The following CYSLTR1 variants were observed in gnomAD, a reference collection of about 807,000 sequenced individuals.
CYSLTR1 encodes G-protein coupled receptor HG55.
CYSLTR1 carries 1 observed loss-of-function variant against 2.1 expected under a neutral mutation model. That is an observed-to-expected ratio of 0.48 (90% CI 0.17 to 2.28). The LOEUF (loss-of-function observed/expected upper bound fraction) is 2.28, where lower values mean the gene tolerates loss of function less well. CYSLTR1 is among the 30% of genes most tolerant of loss of function. CYSLTR1 has a pLI of 0.26. For missense variants in CYSLTR1, 299 were observed against 250.1 expected (o/e 1.20, Z -1.32); for synonymous variants, 110 against 89.6 (o/e 1.23, Z -1.28).
At chrX:78,291,522 G>A (rs936310442) in intron 1 of CYSLTR1, among the ~76,000 whole-genome samples, 5 of 111,377 alleles carry the variant, frequency 4.5e-5, no homozygotes, top group African/African-American at 1.6e-4. Flanking sequence ...GATTGGAATA[G>A]TTTCAGAAGG....
rs61463264 is a variant in CYSLTR1, at chrX:78,284,759, TA to T, written c.-114-1220del. 3.9e-3 allele frequency among the ~76,000 whole-genome samples: 285 copies of T among 73,093 alleles called. 5 individuals carry two copies. Among genetic ancestry groups the T allele is most frequent in the African/African-American group, 0.013 (238 of 18,730 alleles). The allele number at this position is 73,093 out of a possible 115,157, so 63.5% of individuals were successfully genotyped here. ...CTGGAACTTTCTAAAAGAACTCTAC[TA>T]AAAAAAAAAAAAAAAGAAAAAAGGA... On this transcript the variant is annotated intron_variant, in intron 1 of 2. Coordinates refer to ENST00000373304, the MANE Select transcript of CYSLTR1 (RefSeq NM_006639.4).
intron 1 of CYSLTR1, among the ~76,000 whole-genome samples, chrX:78,314,940 C>T (rs1044455771): frequency 1.9e-5 from 2 of 107,805 alleles, no homozygotes; most frequent in African/African-American, 3.4e-5. Context: ...CCAACCAGGC[C>T]AAGAGAGCGC....
At chrX:78,274,277 A>G (rs1921466535) in intron 2 of CYSLTR1, among the ~76,000 whole-genome samples, 1 of 111,465 alleles carries the variant, frequency 9.0e-6, no homozygotes, top group Admixed American at 9.6e-5. Flanking sequence ...AGCCAAAAGA[A>G]CAAAGCTGGA....
intron 1 of CYSLTR1, among the ~76,000 whole-genome samples, chrX:78,305,982 A>G (rs988936029): frequency 8.9e-6 from 1 of 112,860 alleles, no homozygotes. Context: ...TGGTACATAT[A>G]CACAGTGGAA....
chrX:78,310,865 T>G (rs1923191003), intron 1 of CYSLTR1, among the ~76,000 whole-genome samples: 1 of 110,551 alleles, frequency 9.0e-6, no homozygotes, highest in Admixed American at 9.7e-5. Flanking sequence ...TGCATGTGCG[T>G]GTATGTGTGT....
chrX:78,316,438 A>G lies in CYSLTR1; in HGVS notation c.-115+10867T>C, dbSNP rs760745687. 1.3e-4 allele frequency among the ~76,000 whole-genome samples: 15 copies of G among 112,374 alleles called. No homozygotes were observed. In the East Asian group the frequency reaches 2.2e-3, roughly 17 times the overall value. ...GCAGATAGGAAGGGGTGAGACCTGA[A>G]AGCCAAGTTTGCTTGCTCAGCGGGG... On this transcript the variant is annotated intron_variant, in intron 1 of 2. Coordinates refer to ENST00000373304, the MANE Select transcript of CYSLTR1 (RefSeq NM_006639.4).
chrX:78,310,866 G>A (rs1355130148), intron 1 of CYSLTR1, among the ~76,000 whole-genome samples: 1 of 110,787 alleles, frequency 9.0e-6, no homozygotes, highest in Non-Finnish European at 1.9e-5. Flanking sequence ...GCATGTGCGT[G>A]TATGTGTGTT....
chrX:78,311,979 A>G (rs1923234551), intron 1 of CYSLTR1, among the ~76,000 whole-genome samples: 2 of 111,983 alleles, frequency 1.8e-5, no homozygotes, highest in Admixed American at 9.5e-5. Context: ...AGAAAAATGA[A>G]TTCTAAAAAT....
Position 78,279,648 on chromosome X carries a change from T to C in CYSLTR1, c.-28+3806A>G, listed in dbSNP as rs778234912. Among the ~76,000 whole-genome samples the C allele has an allele frequency of 1.6e-4, 18 of 112,313 alleles. 1 individual carries two copies. In the South Asian group the frequency reaches 6.7e-3, roughly 42 times the overall value. On this transcript the variant is annotated intron_variant, in intron 2 of 2. Transcript: ENST00000373304. ...TCTTCTATAAAGACACATATACTCA[T>C]GTGTTCATTGCAGCAAAATTCACAA...
chrX:78,315,946 T>C (rs1923400698), intron 1 of CYSLTR1, among the ~76,000 whole-genome samples: 1 of 112,140 alleles, frequency 8.9e-6, no homozygotes, highest in Non-Finnish European at 1.9e-5. Flanking sequence ...ACAGCAGGCC[T>C]GGGGTGATAC....
At chrX:78,305,947 A>G (rs2147268221) in intron 1 of CYSLTR1, among the ~76,000 whole-genome samples, 1 of 112,960 alleles carries the variant, frequency 8.9e-6, no homozygotes, top group Non-Finnish European at 1.9e-5. Context: ...AGTGTTCATC[A>G]ACAGATGAAT....
In CYSLTR1 at chrX:78,326,001, CA is replaced by C. The variant is rs1413548325; in HGVS notation, c.-115+1303del. On this transcript the variant is annotated intron_variant, in intron 1 of 2. Coordinates refer to ENST00000373304, the MANE Select transcript of CYSLTR1 (RefSeq NM_006639.4). ...TAACATGCTAGATTAAGTCTAAAAG[CA>C]AATAGCAAACTTTTCTTAACCTACC... Among the ~76,000 whole-genome samples, 15 of 111,519 alleles carry C rather than the reference CA, an allele frequency of 1.3e-4. No individual in the cohort carries two copies. In the Admixed American group the frequency reaches 1.4e-3, roughly 11 times the overall value.
At chrX:78,306,019 A>G (rs1465694827) in intron 1 of CYSLTR1, among the ~76,000 whole-genome samples, 2 of 112,868 alleles carry the variant, frequency 1.8e-5, no homozygotes, top group African/African-American at 6.4e-5. Context: ...AATTAGATCC[A>G]GTAATTTGCA....
chrX:78,325,416 G>T (rs1323063418), intron 1 of CYSLTR1, among the ~76,000 whole-genome samples: 1 of 112,132 alleles, frequency 8.9e-6, no homozygotes, highest in Non-Finnish European at 1.9e-5. Flanking sequence ...TCTGATGGTG[G>T]TTTGTATTTT....
chrX:78,306,339 T>C (rs1210495327), intron 1 of CYSLTR1, among the ~76,000 whole-genome samples: 1 of 110,609 alleles, frequency 9.0e-6, no homozygotes, highest in Non-Finnish European at 1.9e-5. Context: ...AATTTTTGTA[T>C]TTTTAGTAGA....
chrX:78,304,693 C>T (rs1223666466), intron 1 of CYSLTR1, among the ~76,000 whole-genome samples: 1 of 111,152 alleles, frequency 9.0e-6, no homozygotes, highest in Non-Finnish European at 1.9e-5. Flanking sequence ...CGTGACTTAG[C>T]AGGAGACAAG....
chrX:78,285,822 T>C (rs1922045725), intron 1 of CYSLTR1, among the ~76,000 whole-genome samples: 1 of 112,057 alleles, frequency 8.9e-6, no homozygotes, highest in African/African-American at 3.2e-5. Flanking sequence ...TTGCTTCTCT[T>C]TCCTTTTCAG....
At chrX:78,326,754 T>A (rs1923873492) in intron 1 of CYSLTR1, among the ~76,000 whole-genome samples, 1 of 111,996 alleles carries the variant, frequency 8.9e-6, no homozygotes, top group Non-Finnish European at 1.9e-5. Context: ...ACGGTGTGTT[T>A]CAAGAAAATT....
At chrX:78,321,976 A>C (rs1057086421) in intron 1 of CYSLTR1, among the ~76,000 whole-genome samples, 1 of 111,481 alleles carries the variant, frequency 9.0e-6, no homozygotes, top group African/African-American at 3.3e-5. Context: ...GTGTTGGAGG[A>C]GTGCCAACAG....
Sources: allele counts gnomAD v4.1 joint callset (sites outside exome capture counted in the v4.1 genomes callset), GRCh38; gene constraint gnomAD v4.1.1; transcripts MANE v1.5; gene names NCBI Gene and HGNC (gene_info 2026-07-23, HGNC 2026-07-21).